The following WDR49 variants were observed in gnomAD, a reference collection of about 807,000 sequenced individuals.
WDR49 encodes cilia- and flagella-associated protein 337.
Under a neutral mutation model 119.5 loss-of-function variants are expected in WDR49, and 107 were observed. The ratio of observed to expected loss-of-function variants is 0.90; its 90% CI spans 0.77 to 1.05. The LOEUF (loss-of-function observed/expected upper bound fraction) is 1.05. Ranked by LOEUF, WDR49 falls within the 50% of genes least tolerant of loss-of-function variation. WDR49 has a pLI of 0.00. For synonymous variants in WDR49, 425 were observed against 418.8 expected (o/e 1.01, Z -0.18); for missense variants, 1,240 against 1,220.5 (o/e 1.02, Z -0.24).
intron 18 of WDR49, among the ~76,000 whole-genome samples, chr3:167,479,895 T>G (rs1750635097): frequency 6.6e-6 from 1 of 151,240 alleles, no homozygotes; most frequent in African/African-American, 2.4e-5. Context: ...TTGGCAAGGG[T>G]TGGATAGGAA....
intron 16 of WDR49, among the ~76,000 whole-genome samples, chr3:167,510,201 G>A (rs1751914572): frequency 6.6e-6 from 1 of 152,152 alleles, no homozygotes; most frequent in Non-Finnish European, 1.5e-5. Context: ...TGGCCAACAT[G>A]ATGAAACCCC....
At chr3:167,639,142 A>C (rs1042161302) in intron 2 of WDR49, among the ~76,000 whole-genome samples, 4 of 151,756 alleles carry the variant, frequency 2.6e-5, no homozygotes, top group African/African-American at 9.7e-5. Flanking sequence ...GAAATAGTGC[A>C]GCCAACAGAG....
intron 10 of WDR49, among the ~76,000 whole-genome samples, chr3:167,544,552 C>G (rs1222601739): frequency 6.6e-6 from 1 of 151,936 alleles, no homozygotes; most frequent in Non-Finnish European, 1.5e-5. Context: ...ATACTTAAAG[C>G]CAACTAATCT....
intron 8 of WDR49, among the ~76,000 whole-genome samples, chr3:167,573,680 G>C (rs1237981922): frequency 6.6e-6 from 1 of 152,068 alleles, no homozygotes; most frequent in African/African-American, 2.4e-5. Flanking sequence ...TTCCCTGAGA[G>C]AATCTGAGTC....
intron 5 of WDR49, among the ~76,000 whole-genome samples, chr3:167,610,125 G>A (rs930048955): frequency 1.3e-5 from 2 of 152,288 alleles, no homozygotes; most frequent in Admixed American, 1.3e-4. Context: ...GGAGGCTATG[G>A]GGAAAAACTC....
rs547399227 is a variant in WDR49, at chr3:167,517,764, AG to A, written c.2774+4550del. Among the ~76,000 whole-genome samples, 337 of 142,910 alleles carry A rather than the reference AG, an allele frequency of 2.4e-3. 1 individual carries two copies. Among genetic ancestry groups the A allele is most frequent in the Non-Finnish European group, 4.0e-3 (260 of 65,600 alleles). The allele number at this position is 142,910 out of a possible 152,430, so 93.8% of individuals were successfully genotyped here. Reference sequence around the variant, plus strand: ...TTATTATTATTATACTTTAAGTTTTAGGGTACATGTGCACAATGTGCAGGTT... The same window carrying A: ...TTATTATTATTATACTTTAAGTTTTAGGTACATGTGCACAATGTGCAGGTT... On this transcript the variant is annotated intron_variant, in intron 16 of 18. Coordinates refer to ENST00000682715, the MANE Select transcript of WDR49 (RefSeq NM_001366157.1).
rs532112974 is a variant in WDR49 at position 167,510,789 on chromosome 3, G to T, written c.2775-5373C>A. Among the ~76,000 whole-genome samples the T allele has an allele frequency of 5.2e-4, 79 of 151,980 alleles. No homozygotes were observed. The South Asian group carries it at 0.016, about 32-fold the overall frequency. Reference sequence around the variant, plus strand: ...ACTTAATTTTTTCTTCATGTTTCTTGTTTCTTCTATTTTCTTTAGACTTTT... The same window carrying T: ...ACTTAATTTTTTCTTCATGTTTCTTTTTTCTTCTATTTTCTTTAGACTTTT... On this transcript the variant is annotated intron_variant, in intron 16 of 18. Transcript: ENST00000682715.
intron 18 of WDR49, among the ~76,000 whole-genome samples, chr3:167,486,744 C>T (rs116748169): frequency 6.6e-6 from 1 of 151,822 alleles, no homozygotes. Flanking sequence ...AAGTTCTTGG[C>T]CTATGAAAAA....
intron 16 of WDR49, among the ~76,000 whole-genome samples, chr3:167,513,293 G>A (rs191169829): frequency 3.3e-5 from 5 of 152,216 alleles, no homozygotes. Flanking sequence ...ATTGGGGGGA[G>A]GGGGCCAATA....
rs1285069015 is a variant in WDR49 at position 167,653,269 on chromosome 3, C to T, written c.157G>A (p.Ala53Thr). 3 of 1,536,140 alleles carry T rather than the reference C, an allele frequency of 2.0e-6. No homozygotes were observed. The highest frequency in any genetic ancestry group is 2.4e-5 in the South Asian group (2 of 84,056). ...ATAAGCTTCACACTTACCTCAAAGG[C>T]CTTCTGTATTTTTACAAAGTCACCC... ...SVGDFVKIQK[A>T]FESPQPRKII... Residue 53 changes from alanine to threonine, a missense_variant, in exon 2 of 19, where the codon GCC (alanine) becomes ACC (threonine). Transcript: ENST00000682715.
intron 8 of WDR49, among the ~76,000 whole-genome samples, chr3:167,563,363 AAAAAAAAAAAAAAAG>A (rs979961338): frequency 1.5e-4 from 22 of 149,900 alleles, no homozygotes; most frequent in African/African-American, 5.4e-4. Context: ...CAAAAAAAAA[AAAAAAAAAAAAAAAG>A]AAAGAAACCT....
chr3:167,564,868 T>C (rs1271727339), intron 8 of WDR49, among the ~76,000 whole-genome samples: 12 of 152,176 alleles, frequency 7.9e-5, no homozygotes, highest in Non-Finnish European at 1.5e-5. Context: ...GTAGGCACTT[T>C]AGTTGTCTTT....
At chr3:167,568,783 T>C (rs1240408907) in intron 8 of WDR49, among the ~76,000 whole-genome samples, 2 of 152,146 alleles carry the variant, frequency 1.3e-5, no homozygotes, top group Non-Finnish European at 2.9e-5. Context: ...GCTCAAGAGA[T>C]CACATTTTAC....
In WDR49 at chr3:167,602,286, T is replaced by G; in HGVS notation, c.1127-11A>C. The G allele has an allele frequency of 1.9e-6, 3 of 1,546,460 alleles. No homozygotes were observed. The highest frequency in any genetic ancestry group is 2.6e-6 in the Non-Finnish European group (3 of 1,137,852). On this transcript the variant is annotated splice_polypyrimidine_tract_variant and intron_variant, in intron 6 of 18. Coordinates refer to ENST00000682715, the MANE Select transcript of WDR49 (RefSeq NM_001366157.1). The stretch of plus-strand genomic sequence containing the variant: ...TAATGCCAGCAGTTGCTAATCAGAA[T>G]TAGAAAGAAAAAAAATGTTTTTAAT...
At chr3:167,546,535 G>A (rs1306946671) in intron 10 of WDR49, among the ~76,000 whole-genome samples, 1 of 151,766 alleles carries the variant, frequency 6.6e-6, no homozygotes, top group Non-Finnish European at 1.5e-5. Flanking sequence ...GAGTTTACTA[G>A]TTCCATTACA....
At chr3:167,509,486 C>T (rs1446243209) in intron 16 of WDR49, among the ~76,000 whole-genome samples, 1 of 152,132 alleles carries the variant, frequency 6.6e-6, no homozygotes, top group Non-Finnish European at 1.5e-5. Context: ...TTTACTTTCA[C>T]AAATAATCAA....
chr3:167,592,506 C>A (rs1431012026), intron 7 of WDR49, among the ~76,000 whole-genome samples: 1 of 150,624 alleles, frequency 6.6e-6, no homozygotes, highest in Non-Finnish European at 1.5e-5. Flanking sequence ...ACCATCTCAG[C>A]TCACTGAAAC....
At chr3:167,559,723 C>T (rs1463028380) in intron 9 of WDR49, among the ~76,000 whole-genome samples, 1 of 152,076 alleles carries the variant, frequency 6.6e-6, no homozygotes, top group Non-Finnish European at 1.5e-5. Flanking sequence ...AAAAAGAAAA[C>T]TAGAGACATT....
At chr3:167,604,609 AC>A (rs1715954989) in intron 5 of WDR49, 141 bp from the exon 6 acceptor site, 2 of 800,748 alleles carry the variant, frequency 2.5e-6, no homozygotes, top group African/African-American at 3.5e-5. Flanking sequence ...AAAACACCTC[AC>A]AAACCCCTTC....
Sources: allele counts gnomAD v4.1 joint callset (sites outside exome capture counted in the v4.1 genomes callset), GRCh38; gene constraint gnomAD v4.1.1; transcripts MANE v1.5; gene names NCBI Gene and HGNC (gene_info 2026-07-23, HGNC 2026-07-21).